Variants in GGNBP2 observed in about 807,000 individuals in gnomAD.
The protein encoded by GGNBP2 is gametogenetin binding protein 2, also known as gametogenetin-binding protein 2.
A neutral mutation model predicts 85.9 loss-of-function variants in GGNBP2; 10 were observed. The ratio of observed to expected loss-of-function variants is 0.12; its 90% CI spans 0.07 to 0.20. The LOEUF is 0.20. Among genes scored for constraint, GGNBP2 ranks in the 10% least tolerant of loss-of-function variants. The pLI is 1.00. For synonymous variants in GGNBP2, 287 were observed against 285.7 expected, an observed-to-expected ratio of 1.00 and a Z score of -0.05; for missense variants, 595 against 857.8, an observed-to-expected ratio of 0.69 and a Z score of 3.83.
At chr17:36,587,323 C>A in intron 13 of GGNBP2, 78 bp downstream of exon 13, 2 of 1,442,472 alleles carry the variant, frequency 1.4e-6, no homozygotes, top group Non-Finnish European at 1.9e-6. Context: ...TATTTGAGGG[C>A]TTAAGGTAGG....
chr17:36,553,828 GTGATAC>G (rs2074334221), intron 2 of GGNBP2, among the ~76,000 whole-genome samples: 1 of 152,124 alleles, frequency 6.6e-6, no homozygotes, highest in African/African-American at 2.4e-5. Flanking sequence ...ATGGCTTGTA[GTGATAC>G]ATAACTATGG....
At chr17:36,566,487 C>T (rs946313566) in intron 5 of GGNBP2, among the ~76,000 whole-genome samples, 6 of 151,782 alleles carry the variant, frequency 4.0e-5, no homozygotes, top group Non-Finnish European at 8.8e-5. Context: ...TGACAAGACC[C>T]TGCTGTCTCT....
intron 6 of GGNBP2, chr17:36,575,157 G>C (rs1430117350): frequency 4.5e-6 from 3 of 672,526 alleles, no homozygotes; most frequent in South Asian, 3.2e-5. Flanking sequence ...TTGGTGATAG[G>C]CATCCACTCT....
intron 6 of GGNBP2, among the ~76,000 whole-genome samples, chr17:36,568,486 G>A (rs979685532): frequency 4.6e-5 from 7 of 151,894 alleles, no homozygotes; most frequent in African/African-American, 1.2e-4. Context: ...TAGTAGAGAC[G>A]GGGCTTCGCC....
chr17:36,557,103 A>G lies in GGNBP2; in HGVS notation c.195A>G (p.Gln65=), dbSNP rs2074369882. Residue 65 remains glutamine (Q), a synonymous_variant, in exon 4 of 14, where the codon CAA becomes CAG. Coordinates refer to ENST00000613102, the MANE Select transcript of GGNBP2 (RefSeq NM_024835.5). ...QFIQRHGMLK[Q]QDLSIAMVVT... ...TTCAGCGACATGGTATGCTTAAGCAACAGGATCTAAGTATTGCCATGGTGG... is the reference window on the plus strand; with the variant it reads ...TTCAGCGACATGGTATGCTTAAGCAGCAGGATCTAAGTATTGCCATGGTGG... 2 of 1,614,142 alleles carry G rather than the reference A, an allele frequency of 1.2e-6. No individual in the cohort carries two copies. Among genetic ancestry groups the G allele is most frequent in the Non-Finnish European group, 1.7e-6 (2 of 1,180,032 alleles).
At chr17:36,564,988 T>G (rs1489340148) in intron 5 of GGNBP2, among the ~76,000 whole-genome samples, 1 of 152,146 alleles carries the variant, frequency 6.6e-6, no homozygotes, top group Non-Finnish European at 1.5e-5. Flanking sequence ...TTAGAGAATG[T>G]TATGTAAGAT....
intron 2 of GGNBP2, chr17:36,546,081 T>G (rs1282294376): frequency 1.3e-5 from 6 of 444,830 alleles, no homozygotes; most frequent in Non-Finnish European, 2.4e-5. Context: ...CCCTTTCCCT[T>G]TAGGAGACGC....
At chr17:36,545,875 C>A in intron 2 of GGNBP2, 58 bp downstream of exon 2, 1 of 1,231,848 alleles carries the variant, frequency 8.1e-7, no homozygotes, top group Non-Finnish European at 1.2e-6. Context: ...TTCCCCTCCT[C>A]CCCCTCCCCC....
chr17:36,547,056 A>T (rs2074262158), intron 2 of GGNBP2: 1 of 152,188 alleles, frequency 6.6e-6, no homozygotes, highest in Admixed American at 6.5e-5. Flanking sequence ...TTTATTTTTC[A>T]TGAAAAAAGG....
chr17:36,546,890 A>G (rs527636391), intron 2 of GGNBP2: 60 of 152,252 alleles, frequency 3.9e-4, no homozygotes, highest in African/African-American at 1.3e-3. Flanking sequence ...GTAAAATGCA[A>G]GTCATTGTAG....
At chr17:36,578,392 G>A (rs2074612832) in intron 7 of GGNBP2, 1 of 488,422 alleles carries the variant, frequency 2.0e-6, no homozygotes, top group South Asian at 4.0e-5. Context: ...GTTTGGTTCA[G>A]TCCTCTGCTA....
At chr17:36,556,444 G>A (rs112099652) in intron 3 of GGNBP2, among the ~76,000 whole-genome samples, 6 of 152,228 alleles carry the variant, frequency 3.9e-5, no homozygotes, top group African/African-American at 1.2e-4. Flanking sequence ...GGTGGCTCAC[G>A]CCTGTAATCC....
chr17:36,579,848 T>G (rs143624982), intron 8 of GGNBP2, among the ~76,000 whole-genome samples: 1,711 of 152,118 alleles, frequency 0.011, 28 homozygotes, highest in Admixed American at 0.051. Flanking sequence ...CCGTCTCTAC[T>G]AAAAATACAA....
chr17:36,586,961 C>A (rs758580300), intron 12 of GGNBP2, 36 bp from the exon 13 acceptor site: 130 of 1,575,176 alleles, frequency 8.3e-5, no homozygotes, highest in Non-Finnish European at 1.1e-4. Context: ...TTATATCATG[C>A]CTTTTTACCT....
chr17:36,547,112 G>A (rs1429136480), intron 2 of GGNBP2: 3 of 152,204 alleles, frequency 2.0e-5, no homozygotes, highest in African/African-American at 7.2e-5. Flanking sequence ...TGATGCATTA[G>A]AAATTGTGTG....
chr17:36,549,954 T>C (rs1043945316), intron 2 of GGNBP2, among the ~76,000 whole-genome samples: 3 of 151,998 alleles, frequency 2.0e-5, no homozygotes, highest in African/African-American at 4.8e-5. Context: ...TTTTTTTTTT[T>C]CGAGATGGAG....
At chr17:36,564,046 A>G (rs2074446057) in intron 5 of GGNBP2, among the ~76,000 whole-genome samples, 1 of 152,088 alleles carries the variant, frequency 6.6e-6, no homozygotes, top group Admixed American at 6.6e-5. Context: ...CGCCTGGCCC[A>G]ATTTGTCAGT....
intron 8 of GGNBP2, 23 bp downstream of exon 8, chr17:36,579,442 G>GT (rs768521231): frequency 6.2e-7 from 1 of 1,604,548 alleles, no homozygotes. Flanking sequence ...GGCTGTTCCA[G>GT]TATCTCAGAT....
At chr17:36,556,504 G>T (rs754768624) in intron 3 of GGNBP2, among the ~76,000 whole-genome samples, 1 of 152,142 alleles carries the variant, frequency 6.6e-6, no homozygotes, top group Non-Finnish European at 1.5e-5. Context: ...AAAAGATCAA[G>T]ACCATCCTTG....
Sources: allele counts gnomAD v4.1 joint callset (sites outside exome capture counted in the v4.1 genomes callset), GRCh38; gene constraint gnomAD v4.1.1; transcripts MANE v1.5; gene names NCBI Gene and HGNC (gene_info 2026-07-23, HGNC 2026-07-21).